Variants in DNAJC1 observed in about 807,000 individuals in gnomAD.
DNAJC1 encodes the protein dnaJ homolog subfamily C member 1.
DNAJC1 carries 58 observed loss-of-function variants against 76.6 expected under a neutral mutation model. The observed-to-expected ratio is 0.76, with a 90% CI of 0.61 to 0.94. The LOEUF (loss-of-function observed/expected upper bound fraction) is 0.94, where lower values mean the gene tolerates loss of function less well. DNAJC1 is among the 40% of genes least tolerant of loss of function. The pLI, the probability that DNAJC1 is intolerant of heterozygous loss-of-function variation, is 0.00. For synonymous variants in DNAJC1, 258 were observed against 267.9 expected, an observed-to-expected ratio of 0.96 and a Z score of 0.36; for missense variants, 689 against 677.3, an observed-to-expected ratio of 1.02 and a Z score of -0.19.
chr10:21,868,729 G>C (rs1258055681), intron 8 of DNAJC1, among the ~76,000 whole-genome samples: 1 of 151,944 alleles, frequency 6.6e-6, no homozygotes, highest in African/African-American at 2.4e-5. Context: ...AAAATTTGAA[G>C]CTCCCCAAAC....
intron 9 of DNAJC1, among the ~76,000 whole-genome samples, chr10:21,800,535 G>A (rs1834801484): frequency 2.6e-5 from 4 of 152,202 alleles, no homozygotes; most frequent in Admixed American, 2.6e-4. Flanking sequence ...CAATTTAAAT[G>A]TCAACCGATA....
chr10:21,805,867 G>C, intron 9 of DNAJC1, 113 bp downstream of exon 9: 1 of 1,379,934 alleles, frequency 7.2e-7, no homozygotes, highest in Non-Finnish European at 1.0e-6. Context: ...GTCCTAAAAG[G>C]ATTGTTGTAT....
intron 3 of DNAJC1, among the ~76,000 whole-genome samples, chr10:21,927,097 T>C (rs555533125): frequency 3.2e-4 from 49 of 152,262 alleles, no homozygotes; most frequent in African/African-American, 1.1e-3. Context: ...CTAGAAAATA[T>C]GCACAGAATG....
chr10:21,972,902 CT>C (rs1398134511), intron 1 of DNAJC1, among the ~76,000 whole-genome samples: 1 of 151,974 alleles, frequency 6.6e-6, no homozygotes, highest in African/African-American at 2.4e-5. Flanking sequence ...AATAAAATGT[CT>C]TTGATTCAAA....
chr10:21,817,983 T>C (rs1001295100), intron 8 of DNAJC1, among the ~76,000 whole-genome samples: 1 of 152,146 alleles, frequency 6.6e-6, no homozygotes, highest in Non-Finnish European at 1.5e-5. Flanking sequence ...TTGTAGAGCA[T>C]GTGTATTTGA....
At chr10:21,823,159 T>C (rs1326456290) in intron 8 of DNAJC1, among the ~76,000 whole-genome samples, 1 of 152,172 alleles carries the variant, frequency 6.6e-6, no homozygotes, top group Admixed American at 6.5e-5. Flanking sequence ...AACTGAAGTC[T>C]GCAAAATCAC....
intron 1 of DNAJC1, among the ~76,000 whole-genome samples, chr10:21,989,535 A>C (rs951859621): frequency 6.6e-6 from 1 of 152,200 alleles, no homozygotes; most frequent in Non-Finnish European, 1.5e-5. Flanking sequence ...AAAGTACTCT[A>C]CCAAGGCCTG....
intron 1 of DNAJC1, among the ~76,000 whole-genome samples, chr10:21,961,139 G>A (rs1837784152): frequency 6.6e-6 from 1 of 152,190 alleles, no homozygotes; most frequent in South Asian, 2.1e-4. Flanking sequence ...CTCCAACAGT[G>A]CAACTGCTTG....
rs183011600 is a variant in DNAJC1 at position 21,952,604 on chromosome 10, C to T, written c.223-23463G>A. On this transcript the variant is annotated intron_variant, in intron 1 of 11. Transcript: ENST00000376980. ...AAAACCTATCTCTACTAAAAAAATACAAAAATTATCCAGGCATAGTGGCGT... is the reference window on the plus strand; with the variant it reads ...AAAACCTATCTCTACTAAAAAAATATAAAAATTATCCAGGCATAGTGGCGT... Among the ~76,000 whole-genome samples the T allele has an allele frequency of 2.0e-4, 31 of 152,210 alleles. 2 individuals are homozygous for T. The highest frequency in any genetic ancestry group is 1.9e-3 in the Admixed American group (29 of 15,280).
At chr10:21,816,722 T>A (rs1211268784) in intron 8 of DNAJC1, among the ~76,000 whole-genome samples, 1 of 150,062 alleles carries the variant, frequency 6.7e-6, no homozygotes, top group East Asian at 2.1e-4. Context: ...ATTTTTTGTA[T>A]TTTTAGTAGA....
At chr10:21,833,679 G>C (rs183954704) in intron 8 of DNAJC1, among the ~76,000 whole-genome samples, 4 of 152,114 alleles carry the variant, frequency 2.6e-5, no homozygotes. Context: ...TACACATGAA[G>C]TGCGCAGAAC....
rs1473480848 is a variant in DNAJC1, at chr10:22,003,280, T to C, written c.155A>G (p.Asp52Gly). ...VAPARGWESG[D>G]LELFDLVEEV... ...CTCCACTAAGTCAAACAACTCCAGGTCTCCGCTCTCCCAGCCGCGCGCCGG... is the reference window on the plus strand; with the variant it reads ...CTCCACTAAGTCAAACAACTCCAGGCCTCCGCTCTCCCAGCCGCGCGCCGG... Residue 52 changes from aspartate to glycine, a missense_variant, in exon 1 of 12, where the codon GAC becomes GGC. By Grantham distance (94) the Asp-to-Gly change is moderately conservative. Transcript: ENST00000376980. 7 of 1,544,408 alleles carry C rather than the reference T, an allele frequency of 4.5e-6. No homozygotes were observed. Among genetic ancestry groups the C allele is most frequent in the Non-Finnish European group, 6.1e-6 (7 of 1,147,900 alleles).
chr10:21,954,516 T>C (rs1340171831), intron 1 of DNAJC1, among the ~76,000 whole-genome samples: 1 of 152,196 alleles, frequency 6.6e-6, no homozygotes, highest in African/African-American at 2.4e-5. Context: ...GCCCCAAACG[T>C]AATTTTTCAA....
At chr10:21,891,519 G>T (rs572380457) in intron 7 of DNAJC1, among the ~76,000 whole-genome samples, 4 of 141,916 alleles carry the variant, frequency 2.8e-5, no homozygotes, top group Non-Finnish European at 4.6e-5. Flanking sequence ...AAAGAACACC[G>T]CCCTGGGAAG....
At chr10:21,986,853 C>T (rs894039565) in intron 1 of DNAJC1, among the ~76,000 whole-genome samples, 17 of 151,984 alleles carry the variant, frequency 1.1e-4, no homozygotes, top group African/African-American at 2.9e-4. Context: ...CTGCAAACTC[C>T]GCCTCCCAGG....
At chr10:21,816,066 A>G (rs1239259836) in intron 8 of DNAJC1, among the ~76,000 whole-genome samples, 1 of 150,910 alleles carries the variant, frequency 6.6e-6, no homozygotes, top group Admixed American at 6.6e-5. Flanking sequence ...TTTCTATTAT[A>G]TGGATATCCA....
chr10:21,861,671 T>A (rs1213882956), intron 8 of DNAJC1, among the ~76,000 whole-genome samples: 1 of 151,958 alleles, frequency 6.6e-6, no homozygotes, highest in Non-Finnish European at 1.5e-5. Context: ...AAAACCAAGA[T>A]GGAGACACGA....
At chr10:21,933,257 GC>G in intron 1 of DNAJC1, 1 of 152,654 alleles carries the variant, frequency 6.6e-6, no homozygotes. Flanking sequence ...CTCCATGTGT[GC>G]CCCTCCCGAA....
At chr10:21,868,081 A>AAAAAAACC (rs1836037205) in intron 8 of DNAJC1, among the ~76,000 whole-genome samples, 2 of 18,754 alleles carry the variant, frequency 1.1e-4, no homozygotes, top group Non-Finnish European at 2.6e-4. Flanking sequence ...GTCTCCAAAA[A>AAAAAAACC]AAAAAAAACA....
Sources: allele counts gnomAD v4.1 joint callset (sites outside exome capture counted in the v4.1 genomes callset), GRCh38; gene constraint gnomAD v4.1.1; transcripts MANE v1.5; gene names NCBI Gene and HGNC (gene_info 2026-07-23, HGNC 2026-07-21).